Variants in TTC39C observed in about 807,000 individuals in gnomAD.
TTC39C encodes tetratricopeptide repeat domain 39C.
In TTC39C, 33 loss-of-function variants were observed where a neutral mutation model predicts 76.3. The observed-to-expected ratio is 0.43, with a 90% CI of 0.33 to 0.58. TTC39C has a LOEUF of 0.58. TTC39C is among the 20% of genes least tolerant of loss of function. The pLI is 0.04. For synonymous variants in TTC39C, 254 were observed against 260.6 expected, an observed-to-expected ratio of 0.97 and a Z score of 0.24; for missense variants, 595 against 701.4, an observed-to-expected ratio of 0.85 and a Z score of 1.71.
Position 24,118,144 on chromosome 18 carries a change from G to C in TTC39C, c.1098G>C (p.Glu366Asp). Residue 366 changes from glutamate to aspartate, a missense_variant, in exon 8 of 14, where the codon GAG (glutamate) becomes GAC (aspartate). By Grantham distance (45) the Glu-to-Asp change is conservative (BLOSUM62 2). Coordinates refer to ENST00000317571, the MANE Select transcript of TTC39C (RefSeq NM_001135993.2). ...TCATAGGTTGGTGCAGCATGATAGA[G>C]CTCAATTTCAAGGATGCATTTGATT... ...LYEIGWCSMI[E>D]LNFKDAFDSF... The C allele has an allele frequency of 1.2e-6, 2 of 1,613,884 alleles. No individual in the cohort carries two copies. The highest frequency in any genetic ancestry group is 1.7e-6 in the Non-Finnish European group (2 of 1,179,904).
At chr18:24,077,353 G>A (rs2084320079) in intron 4 of TTC39C, 1 of 152,140 alleles carries the variant, frequency 6.6e-6, no homozygotes, top group Non-Finnish European at 1.5e-5. Flanking sequence ...AAATCCTGCA[G>A]TAACTATTTT....
chr18:24,109,176 C>CAAAAAAAAAAAAAAAAAAAAAAAA lies in TTC39C; in HGVS notation c.985-5356_985-5355insAAAAAAAAAAAAAAAAAAAAAAAA, dbSNP rs35872928. Among the ~76,000 whole-genome samples, 11 of 73,874 alleles carry CAAAAAAAAAAAAAAAAAAAAAAAA rather than the reference C, an allele frequency of 1.5e-4. 1 individual carries two copies. The highest frequency in any genetic ancestry group is 4.2e-4 in the African/African-American group (7 of 16,512). 48.5% of individuals were successfully genotyped at this position (73,874 alleles called of 152,430 possible). ...AAACATAGCAAGACTCCCGTCTCTA[C>CAAAAAAAAAAAAAAAAAAAAAAAA]AAAAAAAAAAAAAAAAAAAAAAGTT... On this transcript the variant is annotated intron_variant, in intron 6 of 13. Coordinates refer to ENST00000317571, the MANE Select transcript of TTC39C (RefSeq NM_001135993.2).
chr18:24,116,651 G>A (rs1030766862), intron 7 of TTC39C, among the ~76,000 whole-genome samples: 6 of 151,988 alleles, frequency 3.9e-5, no homozygotes, highest in Admixed American at 6.6e-5. Context: ...TTCCTCCCAC[G>A]GTTTAAATGG....
chr18:24,129,081 G>A (rs1336580608), intron 11 of TTC39C, 98 bp downstream of exon 11: 15 of 820,970 alleles, frequency 1.8e-5, no homozygotes, highest in Non-Finnish European at 2.4e-5. Flanking sequence ...GAACGAAACC[G>A]AACCTCCCAC....
At chr18:24,129,183 T>G (rs1056667505) in intron 11 of TTC39C, among the ~76,000 whole-genome samples, 200 bp downstream of exon 11, 27 of 152,254 alleles carry the variant, frequency 1.8e-4, no homozygotes, top group African/African-American at 5.8e-4. Context: ...AACTTCATAT[T>G]CTTAGAATGC....
intron 2 of TTC39C, among the ~76,000 whole-genome samples, chr18:24,065,255 T>G (rs2084152096): frequency 6.6e-6 from 1 of 152,358 alleles, no homozygotes; most frequent in Non-Finnish European, 1.5e-5. Flanking sequence ...AAGATGGAGC[T>G]GGTGGAATTT....
At chr18:24,027,477 A>G (rs1347146392) in intron 1 of TTC39C, among the ~76,000 whole-genome samples, 3 of 152,050 alleles carry the variant, frequency 2.0e-5, no homozygotes, top group South Asian at 2.1e-4. Flanking sequence ...TGTCTTGCAA[A>G]TTATGCTCAC....
At chr18:24,063,302 T>A (rs2084121717) in intron 1 of TTC39C, among the ~76,000 whole-genome samples, 1 of 152,166 alleles carries the variant, frequency 6.6e-6, no homozygotes, top group African/African-American at 2.4e-5. Context: ...TTCCTAAGGT[T>A]CTGGGATTGA....
intron 8 of TTC39C, among the ~76,000 whole-genome samples, chr18:24,121,468 AC>A (rs1568445536): frequency 6.6e-6 from 1 of 152,074 alleles, no homozygotes; most frequent in African/African-American, 2.4e-5. Flanking sequence ...AATCCCAGCT[AC>A]TCGGGAGACT....
intron 1 of TTC39C, among the ~76,000 whole-genome samples, chr18:24,009,267 C>G (rs1240198579): frequency 6.6e-6 from 1 of 152,088 alleles, no homozygotes; most frequent in Non-Finnish European, 1.5e-5. Context: ...GAAAACCCAC[C>G]AGGGCACTGA....
chr18:24,026,496 A>G (rs1056217904), intron 1 of TTC39C, among the ~76,000 whole-genome samples: 2 of 152,212 alleles, frequency 1.3e-5, no homozygotes, highest in African/African-American at 2.4e-5. Context: ...GGGAAAGGAA[A>G]GCCACATAAT....
intron 4 of TTC39C, among the ~76,000 whole-genome samples, chr18:24,074,700 G>T (rs1381562720): frequency 6.6e-6 from 1 of 152,178 alleles, no homozygotes. Context: ...TACACTGTTG[G>T]TGGGACGGTA....
At chr18:24,017,032 C>T (rs568867800) in intron 1 of TTC39C, among the ~76,000 whole-genome samples, 1 of 152,256 alleles carries the variant, frequency 6.6e-6, no homozygotes, top group South Asian at 2.1e-4. Flanking sequence ...TTCATTTTAC[C>T]ATTCTGCTTC....
intron 1 of TTC39C, among the ~76,000 whole-genome samples, chr18:24,017,874 C>T (rs544080648): frequency 6.6e-6 from 1 of 152,254 alleles, no homozygotes; most frequent in Middle Eastern, 3.4e-3. Context: ...TATTTTGTAT[C>T]TAGTGTAACA....
intron 3 of TTC39C, among the ~76,000 whole-genome samples, chr18:24,067,212 A>G (rs535343172): frequency 6.6e-6 from 1 of 152,382 alleles, no homozygotes; most frequent in Admixed American, 6.5e-5. Context: ...TTTTAGAAAC[A>G]TTATGATAAA....
intron 6 of TTC39C, among the ~76,000 whole-genome samples, chr18:24,111,511 T>C (rs144500539): frequency 4.6e-5 from 7 of 150,870 alleles, no homozygotes; most frequent in African/African-American, 1.2e-4. Flanking sequence ...AGAGGTTGCA[T>C]TGAGCCAAGA....
chr18:24,127,581 A>G (rs112876899), intron 10 of TTC39C, among the ~76,000 whole-genome samples: 23 of 152,188 alleles, frequency 1.5e-4, no homozygotes, highest in African/African-American at 5.3e-4. Context: ...GTAGTGCACA[A>G]TCATGGCTCA....
At chr18:24,079,259 ACT>A (rs962470380) in intron 4 of TTC39C, among the ~76,000 whole-genome samples, 1 of 152,154 alleles carries the variant, frequency 6.6e-6, no homozygotes, top group Non-Finnish European at 1.5e-5. Context: ...ATGATGATGC[ACT>A]CAGATAGTCC....
intron 1 of TTC39C, among the ~76,000 whole-genome samples, chr18:23,993,688 A>G (rs1209320412): frequency 6.6e-6 from 1 of 152,214 alleles, no homozygotes; most frequent in Non-Finnish European, 1.5e-5. Context: ...TTTATTTTTC[A>G]TAAATATTTA....
Sources: allele counts gnomAD v4.1 joint callset (sites outside exome capture counted in the v4.1 genomes callset), GRCh38; gene constraint gnomAD v4.1.1; transcripts MANE v1.5; gene names NCBI Gene and HGNC (gene_info 2026-07-23, HGNC 2026-07-21).